DDX42: variants seen among roughly 807,000 people sequenced by gnomAD.
DDX42 encodes the protein ATP-dependent RNA helicase DDX42.
Under a neutral mutation model 101.5 loss-of-function variants are expected in DDX42, and 22 were observed. The observed-to-expected ratio is 0.22, with a 90% CI of 0.15 to 0.31. The LOEUF is 0.31. Ranked by LOEUF, DDX42 falls within the 10% of genes least tolerant of loss-of-function variation. DDX42 has a pLI of 1.00. For missense variants in DDX42, 849 were observed against 1,199.9 expected, an observed-to-expected ratio of 0.71 and a Z score of 4.32; for synonymous variants, 402 against 401.2, an observed-to-expected ratio of 1.00 and a Z score of -0.02.
At chr17:63,795,701 C>G (rs770038797) in intron 3 of DDX42, among the ~76,000 whole-genome samples, 3 of 152,116 alleles carry the variant, frequency 2.0e-5, no homozygotes, top group Admixed American at 6.5e-5. Flanking sequence ...TATCAGAAAA[C>G]AAAAGACTCA....
intron 1 of DDX42, among the ~76,000 whole-genome samples, chr17:63,778,045 A>G (rs1052559465): frequency 2.0e-5 from 3 of 152,190 alleles, no homozygotes; most frequent in Non-Finnish European, 4.4e-5. Flanking sequence ...AGAGTGACAT[A>G]ATCAGAAATG....
intron 2 of DDX42, 138 bp from the exon 3 acceptor site, chr17:63,792,274 A>G (rs2039637409): frequency 3.5e-6 from 3 of 866,694 alleles, no homozygotes; most frequent in Non-Finnish European, 5.0e-6. Context: ...TCATTAGCCA[A>G]AGCCTTGGAG....
intron 1 of DDX42, among the ~76,000 whole-genome samples, chr17:63,779,383 C>T (rs2039459201): frequency 6.6e-6 from 1 of 152,160 alleles, no homozygotes; most frequent in Non-Finnish European, 1.5e-5. Flanking sequence ...CCCACCTCAA[C>T]CTCCCGAGTA....
chr17:63,780,707 A>G (rs766603868), intron 1 of DDX42, among the ~76,000 whole-genome samples: 1 of 152,232 alleles, frequency 6.6e-6, no homozygotes, highest in Non-Finnish European at 1.5e-5. Flanking sequence ...CTTGAGAGCC[A>G]GTAAGCAACC....
At chr17:63,804,343 T>C (rs1477718697) in intron 6 of DDX42, among the ~76,000 whole-genome samples, 1 of 152,152 alleles carries the variant, frequency 6.6e-6, no homozygotes, top group East Asian at 1.9e-4. Flanking sequence ...GTGCTTATGT[T>C]TTGTATACCT....
At chr17:63,788,860 C>T (rs1359485086) in intron 2 of DDX42, among the ~76,000 whole-genome samples, 4 of 152,086 alleles carry the variant, frequency 2.6e-5, no homozygotes, top group South Asian at 2.1e-4. Flanking sequence ...GATTGTGACA[C>T]TGCTTCACTG....
chr17:63,787,774 C>T (rs147510690), intron 2 of DDX42, among the ~76,000 whole-genome samples: 7 of 151,972 alleles, frequency 4.6e-5, no homozygotes, highest in African/African-American at 1.7e-4. Context: ...CCGGGAGGCA[C>T]AGGTTGCAGT....
chr17:63,818,290 AG>A lies in DDX42; in HGVS notation c.2710del (p.Val904TrpfsTer48). 1 of 1,614,188 alleles carries A rather than the reference AG, an allele frequency of 6.2e-7. No homozygotes were observed. The highest frequency in any genetic ancestry group is 1.1e-5 in the South Asian group (1 of 91,076). On this transcript the variant is annotated frameshift_variant, in exon 18 of 18. Coordinates refer to ENST00000389924, the MANE Select transcript of DDX42 (RefSeq NM_203499.3). LOFTEE classifies it high-confidence loss of function. ...SKMEPKMEPKVDSSKMDKVDS... is the reference protein window; with the variant it reads ...SKMEPKMEPKXDSSKMDKVDS... ...AGATGGAGCCCAAGATGGAACCCAA[AG>A]TGGACAGCAGCAAGATGGACAAGGT...
chr17:63,799,731 G>GT, intron 5 of DDX42, 106 bp downstream of exon 5: 3 of 1,114,306 alleles, frequency 2.7e-6, no homozygotes, highest in Non-Finnish European at 3.9e-6. Context: ...CTGACATTCA[G>GT]CAGGGAATGT....
Position 63,788,147 on chromosome 17 carries a change from TG to T in DDX42, c.221+878del. Among the ~76,000 whole-genome samples, 2 of 151,614 alleles carry T rather than the reference TG, an allele frequency of 1.3e-5. 1 individual carries two copies. Among genetic ancestry groups the T allele is most frequent in the East Asian group, 3.9e-4 (2 of 5,102 alleles). ...CTCAAACTCCTGACCTCAGGTGAACTGCCCGCCTTGGCCTCCCAAAGTGCTG... is the reference window on the plus strand; with the variant it reads ...CTCAAACTCCTGACCTCAGGTGAACTCCCGCCTTGGCCTCCCAAAGTGCTG... On this transcript the variant is annotated intron_variant, in intron 2 of 17. Transcript: ENST00000389924.
At chr17:63,775,351 A>T (rs190587293) in intron 1 of DDX42, among the ~76,000 whole-genome samples, 2 of 152,254 alleles carry the variant, frequency 1.3e-5, no homozygotes, top group African/African-American at 4.8e-5. Flanking sequence ...GGTGATAGGG[A>T]TAGGTGTTAG....
At chr17:63,787,418 G>T in intron 2 of DDX42, 148 bp downstream of exon 2, 1 of 899,584 alleles carries the variant, frequency 1.1e-6, no homozygotes, top group Non-Finnish European at 1.7e-6. Context: ...TTCCTAATAA[G>T]TTAAATTATC....
intron 2 of DDX42, 30 bp from the exon 3 acceptor site, chr17:63,792,382 C>G: frequency 1.2e-6 from 2 of 1,602,732 alleles, no homozygotes; most frequent in Non-Finnish European, 1.7e-6. Context: ...AGTAAGCATT[C>G]ACTTTACCAG....
intron 15 of DDX42, among the ~76,000 whole-genome samples, chr17:63,814,377 C>T (rs2039950035): frequency 6.6e-6 from 1 of 152,248 alleles, no homozygotes; most frequent in Non-Finnish European, 1.5e-5. Context: ...ACAACTGGTA[C>T]AACCCAGCTG....
chr17:63,802,263 T>C (rs1053635948), intron 6 of DDX42, among the ~76,000 whole-genome samples: 4 of 152,226 alleles, frequency 2.6e-5, no homozygotes, highest in African/African-American at 9.6e-5. Context: ...TTGAGCTACA[T>C]GTCTTTTTAT....
rs79004791 is a variant in DDX42, at chr17:63,798,421, G to A, written c.434+322G>A. ...TTAGGCTCATTGTTCTGAGTTTGTC[G>A]CATAATTAATATAAAATAGGTTTAT... On this transcript the variant is annotated intron_variant, in intron 4 of 17. Coordinates refer to ENST00000389924, the MANE Select transcript of DDX42 (RefSeq NM_203499.3). 5.3e-5 allele frequency among the ~76,000 whole-genome samples: 8 copies of A among 152,216 alleles called. No individual in the cohort carries two copies. In the East Asian group the frequency reaches 7.7e-4, roughly 15 times the overall value.
At chr17:63,817,050 C>G in intron 17 of DDX42, 84 bp downstream of exon 17, 1 of 1,184,642 alleles carries the variant, frequency 8.4e-7, no homozygotes, top group Non-Finnish European at 1.2e-6. Flanking sequence ...CTGGTTGTAG[C>G]TGGGCGCCTA....
Position 63,774,222 on chromosome 17 carries a change from T to TGGCGGCGGCGGTGGTGGTGGTGGCGGC in DDX42, c.-160_-134dup, listed in dbSNP as rs1308393711. The TGGCGGCGGCGGTGGTGGTGGTGGCGGC allele has an allele frequency of 1.7e-5, 4 of 234,792 alleles. No individual in the cohort carries two copies. The highest frequency in any genetic ancestry group is 1.0e-4 in the South Asian group (1 of 9,586). The allele number at this position is 234,792 out of a possible 1,614,324, so 14.5% of individuals were successfully genotyped here. On this transcript the variant is annotated 5_prime_UTR_variant, in exon 1 of 18. Coordinates refer to ENST00000389924, the MANE Select transcript of DDX42 (RefSeq NM_203499.3). The stretch of plus-strand genomic sequence containing the variant: ...CGTGAGGCGGTGGCGGTGGTGGCGG[T>TGGCGGCGGCGGTGGTGGTGGTGGCGGC]GGCGGCGGCGGTGGTGGTGGTGGCG...
chr17:63,804,103 T>C (rs1183667163), intron 6 of DDX42, among the ~76,000 whole-genome samples: 1 of 151,902 alleles, frequency 6.6e-6, no homozygotes, highest in African/African-American at 2.4e-5. Context: ...TCCAGAACTA[T>C]GATTTTTTTT....
Sources: gnomAD v4.1 joint callset for allele counts (sites outside exome capture counted in the v4.1 genomes callset) on GRCh38, gnomAD v4.1.1 for gene constraint, MANE v1.5 for transcripts, NCBI Gene and HGNC (gene_info 2026-07-23, HGNC 2026-07-21) for gene names.